The following MNAT1 variants were observed in gnomAD, a reference collection of about 807,000 sequenced individuals.
MNAT1 encodes CDK-activating kinase assembly factor MAT1.
Under a neutral mutation model 42.0 loss-of-function variants are expected in MNAT1, and 43 were observed. The observed-to-expected ratio is 1.02, with a 90% CI of 0.80 to 1.32. The LOEUF (loss-of-function observed/expected upper bound fraction) is 1.32. Among genes scored for constraint, MNAT1 ranks in the 40% most tolerant of loss-of-function variants. The pLI, the probability that MNAT1 is intolerant of heterozygous loss-of-function variation, is 0.00. For synonymous variants in MNAT1, 118 were observed against 120.0 expected (o/e 0.98, Z 0.11); for missense variants, 306 against 350.4 (o/e 0.87, Z 1.01).
chr14:60,813,663 G>C (rs1305013048), intron 5 of MNAT1, among the ~76,000 whole-genome samples: 1 of 152,110 alleles, frequency 6.6e-6, no homozygotes, highest in African/African-American at 2.4e-5. Flanking sequence ...ATGTACTGGG[G>C]AAAACTATGT....
At chr14:60,822,748 G>A (rs1453537873) in intron 6 of MNAT1, among the ~76,000 whole-genome samples, 1 of 151,682 alleles carries the variant, frequency 6.6e-6, no homozygotes, top group Non-Finnish European at 1.5e-5. Flanking sequence ...TCAGGCGGGA[G>A]CCTACTTTAT....
rs138596729 is a variant in MNAT1, at chr14:60,822,602, A to ATT, written c.687+3771_687+3772dup. On this transcript the variant is annotated intron_variant, in intron 6 of 7. Transcript: ENST00000261245. ...CACCACTCTGGGCTAGTTTTTAAGAATTTTTTTTTTTTTTTTTGGAGAGGA... is the reference window on the plus strand; with the variant it reads ...CACCACTCTGGGCTAGTTTTTAAGAATTTTTTTTTTTTTTTTTTTGGAGAGGA... Among the ~76,000 whole-genome samples the ATT allele has an allele frequency of 5.0e-3, 675 of 135,958 alleles. 9 individuals are homozygous for ATT. The highest frequency in any genetic ancestry group is 0.013 in the African/African-American group (482 of 36,546). The allele number at this position is 135,958 out of a possible 152,430, so 89.2% of individuals were successfully genotyped here.
chr14:60,907,782 CAAAA>C (rs71114166), intron 7 of MNAT1, among the ~76,000 whole-genome samples: 1 of 77,572 alleles, frequency 1.3e-5, no homozygotes, highest in Non-Finnish European at 2.3e-5. Flanking sequence ...AACTGTGTCT[CAAAA>C]AAAAAAAAAA....
chr14:60,828,580 A>G (rs2033124885), intron 6 of MNAT1, among the ~76,000 whole-genome samples: 2 of 152,056 alleles, frequency 1.3e-5, no homozygotes, highest in South Asian at 2.1e-4. Context: ...TACCACACCA[A>G]CCATTTCTGC....
At chr14:60,890,557 C>T (rs967024972) in intron 7 of MNAT1, among the ~76,000 whole-genome samples, 5 of 152,124 alleles carry the variant, frequency 3.3e-5, no homozygotes, top group African/African-American at 7.2e-5. Context: ...GAAGCCAGTC[C>T]GAGTCCCAAA....
intron 7 of MNAT1, among the ~76,000 whole-genome samples, chr14:60,938,649 A>G (rs933817210): frequency 2.0e-5 from 3 of 152,002 alleles, no homozygotes; most frequent in African/African-American, 4.8e-5. Context: ...TTTTTTTGAG[A>G]ATTTTTGTAT....
Position 60,965,816 on chromosome 14 carries a change from C to T in MNAT1, c.810-2413C>T, listed in dbSNP as rs558027396. Among the ~76,000 whole-genome samples the T allele has an allele frequency of 6.0e-4, 91 of 152,124 alleles. No individual in the cohort carries two copies. The Middle Eastern group carries it at 0.01, about 17-fold the overall frequency. ...GGGTGATACATTATCATCTGGTGTG[C>T]GGATAAAAATTAGCTGGAAACTTGT... is the stretch of plus-strand genomic sequence containing the variant. On this transcript the variant is annotated intron_variant, in intron 7 of 7. Coordinates refer to ENST00000261245, the MANE Select transcript of MNAT1 (RefSeq NM_002431.4).
chr14:60,843,322 G>A (rs553651491), intron 6 of MNAT1, among the ~76,000 whole-genome samples: 94 of 152,190 alleles, frequency 6.2e-4, no homozygotes, highest in Middle Eastern at 3.4e-3. Flanking sequence ...CCAGGCTGGA[G>A]TACAGTGGCG....
At position 60,896,547 on chromosome 14, in the gene MNAT1, G is replaced by A. The variant is rs142267298; in HGVS notation, c.809+16712G>A. Among the ~76,000 whole-genome samples, 33 of 152,164 alleles carry A rather than the reference G, an allele frequency of 2.2e-4. No homozygotes were observed. The East Asian group carries it at 4.2e-3, about 20-fold the overall frequency. ...ATTGCCCAAACTAGAGTGCAGTGGC[G>A]TGATCTCGGCTCACTGCAACCTCCG... On this transcript the variant is annotated intron_variant, in intron 7 of 7. Coordinates refer to ENST00000261245, the MANE Select transcript of MNAT1 (RefSeq NM_002431.4).
chr14:60,896,375 A>G (rs2034956797), intron 7 of MNAT1, among the ~76,000 whole-genome samples: 2 of 152,198 alleles, frequency 1.3e-5, no homozygotes, highest in African/African-American at 4.8e-5. Context: ...TTTCTAGTTA[A>G]TATTTTACTA....
intron 7 of MNAT1, among the ~76,000 whole-genome samples, chr14:60,952,033 A>C (rs958194731): frequency 1.4e-4 from 22 of 152,078 alleles, no homozygotes; most frequent in African/African-American, 5.3e-4. Context: ...TAGTAAGCAA[A>C]ATTTTCCTAG....
At chr14:60,902,328 C>T (rs1202438445) in intron 7 of MNAT1, among the ~76,000 whole-genome samples, 2 of 151,996 alleles carry the variant, frequency 1.3e-5, no homozygotes, top group Admixed American at 6.6e-5. Flanking sequence ...CCTATTTATA[C>T]CCAAGGACTG....
chr14:60,857,900 G>T (rs559992370), intron 6 of MNAT1, among the ~76,000 whole-genome samples: 17 of 152,262 alleles, frequency 1.1e-4, no homozygotes, highest in African/African-American at 3.6e-4. Flanking sequence ...CAAAGGATAT[G>T]AACTCATCAT....
intron 6 of MNAT1, among the ~76,000 whole-genome samples, chr14:60,849,154 A>G (rs2033756393): frequency 1.3e-5 from 2 of 152,228 alleles, no homozygotes. Flanking sequence ...TGTTAAGCAC[A>G]TGGAAATACT....
At chr14:60,876,467 A>G (rs193295408) in intron 6 of MNAT1, among the ~76,000 whole-genome samples, 2 of 152,142 alleles carry the variant, frequency 1.3e-5, no homozygotes, top group East Asian at 3.9e-4. Context: ...TTAACTGTAC[A>G]TTTCTGTGAC....
intron 7 of MNAT1, among the ~76,000 whole-genome samples, chr14:60,922,786 T>C (rs1203365453): frequency 1.3e-5 from 2 of 152,214 alleles, no homozygotes; most frequent in Non-Finnish European, 1.5e-5. Context: ...AAGTTCAACG[T>C]ATAAACTCAG....
At chr14:60,880,575 A>G (rs764164324) in intron 7 of MNAT1, among the ~76,000 whole-genome samples, 2 of 152,170 alleles carry the variant, frequency 1.3e-5, no homozygotes, top group Non-Finnish European at 2.9e-5. Context: ...AAAGTGGGTA[A>G]ATCGAGTCCA....
At chr14:60,910,866 T>A (rs1407944264) in intron 7 of MNAT1, among the ~76,000 whole-genome samples, 1 of 152,220 alleles carries the variant, frequency 6.6e-6, no homozygotes, top group African/African-American at 2.4e-5. Flanking sequence ...ATTCCCTCTT[T>A]TTCTATTGAT....
chr14:60,866,898 A>G (rs759818233), intron 6 of MNAT1, among the ~76,000 whole-genome samples: 1 of 152,092 alleles, frequency 6.6e-6, no homozygotes, highest in African/African-American at 2.4e-5. Context: ...AAAAATTTAT[A>G]TTGATATAAT....
Sources: gnomAD v4.1 joint callset for allele counts (sites outside exome capture counted in the v4.1 genomes callset) on GRCh38, gnomAD v4.1.1 for gene constraint, MANE v1.5 for transcripts, NCBI Gene and HGNC (gene_info 2026-07-23, HGNC 2026-07-21) for gene names.